The following NBPF11 variants were observed in gnomAD, a reference collection of about 807,000 sequenced individuals.
NBPF11 encodes NBPF family member NBPF11.
NBPF11 carries 72 observed loss-of-function variants against 93.9 expected under a neutral mutation model. The ratio of observed to expected loss-of-function variants is 0.77; its 90% CI spans 0.63 to 0.93. NBPF11 has a LOEUF of 0.93. Ranked by LOEUF, NBPF11 falls within the 40% of genes least tolerant of loss-of-function variation. The probability of loss-of-function intolerance (pLI) is 0.00; values close to 1 mark genes in which losing one functional copy is unlikely to be tolerated. For missense variants in NBPF11, 705 were observed against 802.2 expected (o/e 0.88, Z 1.46); for synonymous variants, 224 against 304.9 (o/e 0.73, Z 2.76).
At chr1:148,104,463 C>T (rs1235745209) in intron 23 of NBPF11, 74 bp downstream of exon 23, 3 of 599,964 alleles carry the variant, frequency 5.0e-6, no homozygotes, top group African/African-American at 4.2e-5. Context: ...ACATCAAACA[C>T]ACTCTGGTTT....
At chr1:148,146,841 C>T (rs1673202991) in intron 1 of NBPF11, 1 of 1,613,854 alleles carries the variant, frequency 6.2e-7, no homozygotes, top group Non-Finnish European at 8.5e-7. Context: ...ACTCCTCCGG[C>T]TACGGTGCCA....
At chr1:148,121,426 C>A (rs1340259694) in intron 9 of NBPF11, among the ~76,000 whole-genome samples, 37 of 148,708 alleles carry the variant, frequency 2.5e-4, no homozygotes, top group African/African-American at 9.0e-4. Context: ...CGGCTCACTG[C>A]AAGATCCGGT....
chr1:148,106,642 C>G (rs1663697229), intron 20 of NBPF11, among the ~76,000 whole-genome samples: 1 of 144,672 alleles, frequency 6.9e-6, no homozygotes, highest in Non-Finnish European at 1.5e-5. Context: ...AATCTACAAA[C>G]CCTTGAGTCC....
At chr1:148,147,724 C>A (rs1232596887) in intron 1 of NBPF11, among the ~76,000 whole-genome samples, 5 of 151,964 alleles carry the variant, frequency 3.3e-5, no homozygotes, top group Admixed American at 1.3e-4. Flanking sequence ...TGCAGGCAGT[C>A]CCTGCTGTGG....
chr1:148,118,302 G>T (rs1211135889), intron 11 of NBPF11, among the ~76,000 whole-genome samples: 65 of 152,090 alleles, frequency 4.3e-4, no homozygotes, highest in Non-Finnish European at 8.1e-4. Flanking sequence ...AAGTGGGGTG[G>T]TGATGGCACA....
chr1:148,119,661 C>T (rs1285635741), intron 10 of NBPF11, among the ~76,000 whole-genome samples: 3 of 151,734 alleles, frequency 2.0e-5, no homozygotes, highest in Non-Finnish European at 4.4e-5. Context: ...TTTTATTTAT[C>T]ATTATTATTT....
intron 2 of NBPF11, among the ~76,000 whole-genome samples, chr1:148,142,628 GGCCAT>G (rs1313496670): frequency 2.2e-4 from 34 of 152,226 alleles, no homozygotes; most frequent in Middle Eastern, 3.4e-3. Flanking sequence ...GATACAAACA[GGCCAT>G]GCCCCTTTCT....
At chr1:148,104,429 A>T (rs1663035869) in intron 23 of NBPF11, 108 bp downstream of exon 23, 2 of 624,248 alleles carry the variant, frequency 3.2e-6, no homozygotes, top group Admixed American at 2.8e-5. Context: ...CAGTAGGAGT[A>T]ATTCAGCCTT....
rs1465312606 is a variant in NBPF11, at chr1:148,122,155, G to A, written c.678C>T (p.Asn226=). 742 of 1,613,140 alleles carry A rather than the reference G, an allele frequency of 4.6e-4. 2 individuals are homozygous for A. The highest frequency in any genetic ancestry group is 6.0e-4 in the Non-Finnish European group (709 of 1,179,514). ...GPCDSIQPHK[N]IKITFEEDKV... ...TGTCTTCCTCAAATGTGATTTTGAT[G>A]TTCTTGTGAGGCTGGATGGAGTCAC... Residue 226 remains asparagine, a synonymous_variant, in exon 9 of 24, where the codon AAC becomes AAT. Coordinates refer to ENST00000682118, the MANE Select transcript of NBPF11 (RefSeq NM_001385469.3).
chr1:148,115,940 T>C lies in NBPF11; in HGVS notation c.1438A>G (p.Ile480Val). ...GGGCCATGGCTATTTGAACAAGTGA[T>C]GGCACACTCCTCCAGTGAGTCCTCA... is the stretch of plus-strand genomic sequence containing the variant. ...VPEDSLEECA[I>V]TCSNSHGPYD... Residue 480 changes from isoleucine to valine, a missense_variant, in exon 14 of 24, where the codon ATC (isoleucine) becomes GTC (valine). Transcript: ENST00000682118. 1.3e-6 allele frequency: 2 copies of C among 1,587,278 alleles called. No individual in the cohort carries two copies. Among genetic ancestry groups the C allele is most frequent in the African/African-American group, 1.4e-5 (1 of 70,006 alleles).
rs4323762 is a variant in NBPF11, at chr1:148,126,874, G to C, written c.130C>G (p.Leu44Val). The part of the protein sequence containing the change: ...QFRNLKERCF[L>V]TQLAGFLANR... ...GCCAGGAAGCCGGCCAGTTGAGTTA[G>C]AAAACATCTCTCTTTGAGGTTTCTG... The change falls in exon 5 of 24, where the codon CTA (leucine) becomes GTA (valine). Residue 44 changes from leucine (L) to valine (V), a missense_variant. Transcript: ENST00000682118. 23 of 1,468,974 alleles carry C rather than the reference G, an allele frequency of 1.6e-5. No homozygotes were observed. The highest frequency in any genetic ancestry group is 4.6e-5 in the South Asian group (4 of 86,678). The allele number at this position is 1,468,974 out of a possible 1,614,324, so 91.0% of individuals were successfully genotyped here.
At chr1:148,147,551 AC>A (rs1673378523) in intron 1 of NBPF11, among the ~76,000 whole-genome samples, 1 of 151,746 alleles carries the variant, frequency 6.6e-6, no homozygotes, top group African/African-American at 2.4e-5. Context: ...GGACGAGGAG[AC>A]CCGGCTGGGC....
Position 148,102,299 on chromosome 1 carries a change from T to C in NBPF11, c.*1597A>G, listed in dbSNP as rs1662523328. ...AAATTGAGACCCAAAATTTGCAGCG[T>C]AGAGATATGAATATAATAATAGACA... On this transcript the variant is annotated 3_prime_UTR_variant, in exon 24 of 24. Coordinates refer to ENST00000682118, the MANE Select transcript of NBPF11 (RefSeq NM_001385469.3). 1 of 151,954 alleles carries C rather than the reference T, an allele frequency of 6.6e-6. No homozygotes were observed. Among genetic ancestry groups the C allele is most frequent in the South Asian group, 2.1e-4 (1 of 4,812 alleles). 9.4% of individuals were successfully genotyped at this position (151,954 alleles called of 1,614,324 possible). A position where few individuals can be genotyped will look rare whatever the true frequency, so the allele number is the denominator to read the frequency against.
chr1:148,148,866 C>T (rs1451434422), intron 1 of NBPF11, among the ~76,000 whole-genome samples: 1 of 151,672 alleles, frequency 6.6e-6, no homozygotes, highest in Non-Finnish European at 1.5e-5. Context: ...CCAGGGCCTC[C>T]CTTACCCCCG....
intron 15 of NBPF11, among the ~76,000 whole-genome samples, chr1:148,111,974 A>C (rs1279438100): frequency 2.7e-5 from 4 of 150,466 alleles, no homozygotes; most frequent in East Asian, 3.9e-4. Flanking sequence ...GTTGAAATGA[A>C]GGAAAAAATG....
intron 1 of NBPF11, chr1:148,146,829 C>T (rs1321264061): frequency 1.2e-5 from 19 of 1,613,618 alleles, no homozygotes; most frequent in Non-Finnish European, 1.5e-5. Flanking sequence ...TCTTCACCTA[C>T]GACTCCTCCG....
At chr1:148,131,155 A>T (rs1670266937) in intron 4 of NBPF11, among the ~76,000 whole-genome samples, 1 of 149,568 alleles carries the variant, frequency 6.7e-6, no homozygotes, top group South Asian at 2.1e-4. Context: ...ATTAAATATT[A>T]AGAGGAAAAA....
Position 148,122,100 on chromosome 1 carries a change from C to A in NBPF11, c.733G>T (p.Glu245Ter). 1.2e-6 allele frequency: 2 copies of A among 1,612,854 alleles called. No homozygotes were observed. Among genetic ancestry groups the A allele is most frequent in the Non-Finnish European group, 1.7e-6 (2 of 1,179,234 alleles). ...KVNSSLVVDR[E>*]SSHDGCQDAL... ...TCCTGACATCCATCATGAGAGGATT[C>A]TCTGTCTACAACCAGAGATGAGTTG... Residue 245 changes from glutamate (E) to a stop codon, truncating the protein, a stop_gained, in exon 9 of 24, where the codon GAA becomes TAA. Coordinates refer to ENST00000682118, the MANE Select transcript of NBPF11 (RefSeq NM_001385469.3). LOFTEE classifies it high-confidence loss of function.
intron 1 of NBPF11, among the ~76,000 whole-genome samples, chr1:148,147,731 G>A (rs1462978231): frequency 2.6e-5 from 4 of 152,104 alleles, no homozygotes; most frequent in East Asian, 1.9e-4. Context: ...AGTCCCTGCT[G>A]TGGGCCTGGG....
Sources: allele counts gnomAD v4.1 joint callset (sites outside exome capture counted in the v4.1 genomes callset), GRCh38; gene constraint gnomAD v4.1.1; transcripts MANE v1.5; gene names NCBI Gene and HGNC (gene_info 2026-07-23, HGNC 2026-07-21).